Variants in CRTC1 observed in about 807,000 individuals in gnomAD.
CRTC1 encodes CREB-regulated transcription coactivator 1.
In CRTC1, 18 loss-of-function variants were observed where a neutral mutation model predicts 66.1. The ratio of observed to expected loss-of-function variants is 0.27; its 90% CI spans 0.19 to 0.40. The LOEUF is 0.40. Ranked by LOEUF, CRTC1 falls within the 10% of genes least tolerant of loss-of-function variation. The probability of loss-of-function intolerance (pLI) is 1.00; values close to 1 mark genes in which losing one functional copy is unlikely to be tolerated. For missense variants in CRTC1, 669 were observed against 887.9 expected, an observed-to-expected ratio of 0.75 and a Z score of 3.13; for synonymous variants, 416 against 398.8, an observed-to-expected ratio of 1.04 and a Z score of -0.51.
chr19:18,755,817 G>T lies in CRTC1; in HGVS notation c.624+2232G>T, dbSNP rs148452559. The stretch of plus-strand genomic sequence containing the variant: ...AGGAGCTTACTTCGTTGCCCAGGCT[G>T]GTCTCGAACTCCTGGGCTCAAGCAG... On this transcript the variant is annotated intron_variant, in intron 6 of 13. Transcript: ENST00000321949. Among the ~76,000 whole-genome samples the T allele has an allele frequency of 5.8e-3, 881 of 151,192 alleles. 13 individuals are homozygous for T. The highest frequency in any genetic ancestry group is 0.017 in the Admixed American group (251 of 15,194).
intron 1 of CRTC1, among the ~76,000 whole-genome samples, chr19:18,695,787 C>T (rs1047741348): frequency 1.6e-4 from 25 of 152,126 alleles, no homozygotes; most frequent in African/African-American, 5.6e-4. Flanking sequence ...ATGGCGTGAA[C>T]CCGGGAGGCA....
rs144127160 is a variant in CRTC1, at chr19:18,716,988, GCAGGA to G, written c.127-25916_127-25912del. 4.7e-4 allele frequency among the ~76,000 whole-genome samples: 72 copies of G among 152,226 alleles called. 1 individual carries two copies. Among genetic ancestry groups the G allele is most frequent in the Admixed American group, 3.9e-3 (59 of 15,292 alleles). On this transcript the variant is annotated intron_variant, in intron 1 of 13. Transcript: ENST00000321949. ...GCGTGCAGGCAGGACAGGAGTGCAG[GCAGGA>G]CAGGAGTGTGAGCATGTGTGTGTGC... is the stretch of plus-strand genomic sequence containing the variant.
Position 18,760,302 on chromosome 19 carries a change from T to A in CRTC1, c.886+74T>A. ...CAACACGGGCATCTGCAGGATGACT[T>A]GGCAGAGTCCCGTTCCAAATACTAG... On this transcript the variant is annotated intron_variant, in intron 8 of 13. Coordinates refer to ENST00000321949, the MANE Select transcript of CRTC1 (RefSeq NM_015321.3). The surrounding 1 kb of genome is among the most constrained non-coding windows in gnomAD (Gnocchi z 6.2). The A allele has an allele frequency of 7.9e-7, 1 of 1,272,016 alleles. No homozygotes were observed. Among genetic ancestry groups the A allele is most frequent in the South Asian group, 1.3e-5 (1 of 76,556 alleles). 78.8% of individuals were successfully genotyped at this position (1,272,016 alleles called of 1,614,324 possible).
At chr19:18,698,393 C>G (rs1175161993) in intron 1 of CRTC1, among the ~76,000 whole-genome samples, 1 of 150,214 alleles carries the variant, frequency 6.7e-6, no homozygotes, top group Non-Finnish European at 1.5e-5. Context: ...ACAGTTTGTA[C>G]TCAGCAGGCG....
chr19:18,738,825 A>G (rs1226594312), intron 1 of CRTC1, among the ~76,000 whole-genome samples: 5 of 151,810 alleles, frequency 3.3e-5, no homozygotes, highest in Admixed American at 2.0e-4. Context: ...AACAACAACA[A>G]AGCCAGAGGC....
intron 1 of CRTC1, among the ~76,000 whole-genome samples, chr19:18,696,943 G>A (rs2053004159): frequency 6.6e-6 from 1 of 152,006 alleles, no homozygotes; most frequent in Non-Finnish European, 1.5e-5. Flanking sequence ...GGGGGTAGGA[G>A]AGTCCTGCTT....
intron 4 of CRTC1, among the ~76,000 whole-genome samples, chr19:18,749,389 G>A (rs1476969641): frequency 6.6e-6 from 1 of 152,180 alleles, no homozygotes; most frequent in Non-Finnish European, 1.5e-5. Flanking sequence ...CCAAGGCTGG[G>A]CACCTGTGGG....
chr19:18,752,645 CT>C (rs910534597), intron 5 of CRTC1, among the ~76,000 whole-genome samples: 500 of 142,712 alleles, frequency 3.5e-3, no homozygotes, highest in African/African-American at 6.3e-3. Context: ...CTCTTTCTTT[CT>C]TTTTTTTTTT....
chr19:18,759,987 C>G, intron 7 of CRTC1, 21 bp from the exon 8 acceptor site: 1 of 1,557,912 alleles, frequency 6.4e-7, no homozygotes, highest in African/African-American at 1.3e-5. Context: ...CACCTCCTGC[C>G]TGCCTCTGGC....
intron 9 of CRTC1, among the ~76,000 whole-genome samples, chr19:18,766,885 C>T (rs1295319836): frequency 1.3e-5 from 2 of 152,198 alleles, no homozygotes; most frequent in East Asian, 3.8e-4. Flanking sequence ...CACTTCTCTT[C>T]TATTTTTTGG....
chr19:18,693,971 A>G (rs2052919811), intron 1 of CRTC1, among the ~76,000 whole-genome samples: 1 of 151,836 alleles, frequency 6.6e-6, no homozygotes, highest in Non-Finnish European at 1.5e-5. Context: ...TGTCTCTACT[A>G]AAATACAAAA....
intron 1 of CRTC1, among the ~76,000 whole-genome samples, chr19:18,737,036 G>A (rs911146377): frequency 6.6e-6 from 1 of 152,110 alleles, no homozygotes; most frequent in African/African-American, 2.4e-5. Flanking sequence ...TTATACTGGG[G>A]CCACCCGGCC....
At chr19:18,758,333 C>T (rs2054537829) in intron 6 of CRTC1, among the ~76,000 whole-genome samples, 1 of 149,956 alleles carries the variant, frequency 6.7e-6, no homozygotes. Flanking sequence ...GCACTCCAGC[C>T]TGAGAGACAG....
At chr19:18,747,255 T>G in intron 4 of CRTC1, 141 bp downstream of exon 4, 8 of 590,052 alleles carry the variant, frequency 1.4e-5, no homozygotes, top group Non-Finnish European at 1.8e-5. Flanking sequence ...TTCTAGAAAT[T>G]AGCCTTCACC....
rs775233461 is a variant in CRTC1 at position 18,745,916 on chromosome 19, T to A, written c.337T>A (p.Ser113Thr). The change falls in exon 3 of 14, where the codon TCC (serine) becomes ACC (threonine). Residue 113 changes from serine to threonine, a missense_variant. This residue lies in a region of CRTC1 where 214 missense variants were observed against 323.4 expected (regional missense o/e 0.66). Transcript: ENST00000321949. Reference protein sequence around the residue: ...RVYRERGRLGSPHRRPLSVDK... With the variant: ...RVYRERGRLGTPHRRPLSVDK... ...GTACCGGGAGCGTGGCCGGCTCGGC[T>A]CCCCACACCGCCGGCCCCTGTCAGT... is the stretch of plus-strand genomic sequence containing the variant. 2.2e-5 allele frequency: 36 copies of A among 1,612,684 alleles called. No individual in the cohort carries two copies. Among genetic ancestry groups the A allele is most frequent in the Non-Finnish European group, 1.5e-5 (18 of 1,179,646 alleles).
intron 1 of CRTC1, among the ~76,000 whole-genome samples, chr19:18,721,349 A>G (rs1211821411): frequency 1.3e-5 from 2 of 151,936 alleles, no homozygotes; most frequent in Non-Finnish European, 2.9e-5. Flanking sequence ...GCCCGCCACC[A>G]TGCCCGGCTA....
chr19:18,695,127 T>C (rs966538201), intron 1 of CRTC1, among the ~76,000 whole-genome samples: 1 of 152,146 alleles, frequency 6.6e-6, no homozygotes, highest in South Asian at 2.1e-4. Flanking sequence ...CGCCTCGGCC[T>C]CCTAAAGTGC....
intron 1 of CRTC1, among the ~76,000 whole-genome samples, chr19:18,696,684 A>G (rs2052996344): frequency 6.6e-6 from 1 of 152,036 alleles, no homozygotes; most frequent in South Asian, 2.1e-4. Flanking sequence ...CAACCTAAAC[A>G]TTCTTTGTGT....
At chr19:18,736,361 C>T (rs1264254179) in intron 1 of CRTC1, among the ~76,000 whole-genome samples, 2 of 150,390 alleles carry the variant, frequency 1.3e-5, no homozygotes, top group Admixed American at 6.6e-5. Flanking sequence ...GATCCAGGTA[C>T]ATCCTGTGCA....
Sources: allele counts gnomAD v4.1 joint callset (sites outside exome capture counted in the v4.1 genomes callset), GRCh38; gene constraint gnomAD v4.1.1; regional missense constraint gnomAD v4.1.1; non-coding constraint Gnocchi (gnomAD v3.1); transcripts MANE v1.5; gene names NCBI Gene and HGNC (gene_info 2026-07-23, HGNC 2026-07-21).